The following LONP2 variants were observed in gnomAD, a reference collection of about 807,000 sequenced individuals.
The protein encoded by LONP2 is lon peptidase 2, peroxisomal.
Under a neutral mutation model 85.6 loss-of-function variants are expected in LONP2, and 60 were observed. The observed-to-expected ratio is 0.70, with a 90% CI of 0.57 to 0.87. LONP2 has a LOEUF of 0.87. LONP2 is among the 40% of genes least tolerant of loss of function. LONP2 has a pLI of 0.00. For missense variants in LONP2, 860 were observed against 1,063.5 expected, an observed-to-expected ratio of 0.81 and a Z score of 2.66; for synonymous variants, 395 against 389.7, an observed-to-expected ratio of 1.01 and a Z score of -0.16.
chr16:48,316,818 C>T (rs1385514931), intron 11 of LONP2, among the ~76,000 whole-genome samples: 2 of 151,688 alleles, frequency 1.3e-5, no homozygotes, highest in Admixed American at 1.3e-4. Context: ...CCTTTTTTTC[C>T]CCCTTGATTT....
chr16:48,254,587 A>C (rs1971720213), intron 2 of LONP2, among the ~76,000 whole-genome samples: 1 of 151,674 alleles, frequency 6.6e-6, no homozygotes, highest in Non-Finnish European at 1.5e-5. Flanking sequence ...CTGGTCTCGA[A>C]CTCCTGACCT....
intron 11 of LONP2, among the ~76,000 whole-genome samples, chr16:48,312,386 T>C (rs1331366206): frequency 6.6e-6 from 1 of 152,200 alleles, no homozygotes; most frequent in South Asian, 2.1e-4. Flanking sequence ...TTTCCAATAT[T>C]ACTGTGCTGA....
Position 48,353,099 on chromosome 16 carries a change from T to C in LONP2, c.*1297T>C, listed in dbSNP as rs559723814. 1 of 152,358 alleles carries C rather than the reference T, an allele frequency of 6.6e-6. No individual in the cohort carries two copies. Among genetic ancestry groups the C allele is most frequent in the East Asian group, 1.9e-4 (1 of 5,186 alleles). 9.4% of individuals were successfully genotyped at this position (152,358 alleles called of 1,614,324 possible). A position where few individuals can be genotyped will look rare whatever the true frequency, so the allele number is the denominator to read the frequency against. Reference sequence around the variant, plus strand: ...GGAGATTAAGTTCAAATGCAATGTATAGTAATATTAAGCAATTTCTAGTTA... The same window carrying C: ...GGAGATTAAGTTCAAATGCAATGTACAGTAATATTAAGCAATTTCTAGTTA... On this transcript the variant is annotated 3_prime_UTR_variant, in exon 15 of 15. Transcript: ENST00000285737.
rs189430297 is a variant in LONP2 at position 48,261,575 on chromosome 16, A to G, written c.875A>G (p.Lys292Arg). Reference protein sequence around the residue: ...MPEQAHKVCVKEIKRLKKMPQ... With the variant: ...MPEQAHKVCVREIKRLKKMPQ... ...GAGCAGGCCCATAAAGTCTGTGTCA[A>G]AGAGATAAAGAGGTAAATTATAAAA... Residue 292 changes from lysine to arginine, a missense_variant, in exon 5 of 15, where the codon AAA (lysine) becomes AGA (arginine). Physicochemically the swap from Lys to Arg is conservative, Grantham distance 26 (BLOSUM62 2). Transcript: ENST00000285737. 3.5e-5 allele frequency: 55 copies of G among 1,574,846 alleles called. No homozygotes were observed. The highest frequency in any genetic ancestry group is 1.9e-5 in the Admixed American group (1 of 53,140).
chr16:48,308,155 G>C (rs965442800), intron 11 of LONP2, among the ~76,000 whole-genome samples: 7 of 152,066 alleles, frequency 4.6e-5, no homozygotes, highest in African/African-American at 1.7e-4. Flanking sequence ...TAGATCAATG[G>C]AACAGAATGC....
chr16:48,315,678 AC>A (rs1973125390), intron 11 of LONP2, among the ~76,000 whole-genome samples: 1 of 152,274 alleles, frequency 6.6e-6, no homozygotes, highest in East Asian at 1.9e-4. Context: ...AAACCATAGC[AC>A]TGACTTTCTT....
At chr16:48,286,690 T>G (rs901007402) in intron 8 of LONP2, among the ~76,000 whole-genome samples, 4 of 151,916 alleles carry the variant, frequency 2.6e-5, no homozygotes, top group African/African-American at 9.7e-5. Context: ...AGAGACAGGG[T>G]TTCGCCATGT....
chr16:48,301,269 C>T (rs1046724005), intron 10 of LONP2, among the ~76,000 whole-genome samples: 1 of 152,180 alleles, frequency 6.6e-6, no homozygotes, highest in African/African-American at 2.4e-5. Context: ...CTTCCAGTCC[C>T]AGTATGCTTA....
chr16:48,362,552 G>A lies in LONP2; in HGVS notation c.*689G>A, dbSNP rs1960635708. The A allele has an allele frequency of 3.2e-6, 3 of 944,498 alleles. No homozygotes were observed. The East Asian group carries it at 7.9e-5, about 25-fold the overall frequency. The allele number at this position is 944,498 out of a possible 1,614,324, so 58.5% of individuals were successfully genotyped here. ...ATACAAAATTTACTGAGCAAAAGAG[G>A]AAGAAAAATAGGATTAAAAAAGATA... On this transcript the variant is annotated 3_prime_UTR_variant, in exon 5 of 5. Transcript: ENST00000565867. This position sits in a 1 kb window ranked among gnomAD's most constrained non-coding sequence, Gnocchi z 4.2.
At position 48,348,539 on chromosome 16, in the gene LONP2, G is replaced by A. The variant is rs139822066; in HGVS notation, c.2337+249G>A. Among the ~76,000 whole-genome samples the A allele has an allele frequency of 3.2e-3, 460 of 142,018 alleles. 1 individual carries two copies. The highest frequency in any genetic ancestry group is 5.7e-3 in the Admixed American group (75 of 13,254). The allele number at this position is 142,018 out of a possible 152,430, so 93.2% of individuals were successfully genotyped here. On this transcript the variant is annotated intron_variant, in intron 14 of 14. Transcript: ENST00000285737. The stretch of plus-strand genomic sequence containing the variant: ...TAGACAGGTCTCACTCTGTTGCCCA[G>A]GCTGGAGTGCAGTGGTGTGACTGTA...
intron 6 of LONP2, among the ~76,000 whole-genome samples, chr16:48,268,783 A>C (rs533394872): frequency 2.0e-5 from 3 of 152,158 alleles, no homozygotes; most frequent in Non-Finnish European, 2.9e-5. Context: ...CAATAGTACT[A>C]TAATTAAATT....
chr16:48,306,997 G>A (rs1972924406), intron 11 of LONP2, among the ~76,000 whole-genome samples: 1 of 152,108 alleles, frequency 6.6e-6, no homozygotes, highest in South Asian at 2.1e-4. Context: ...GTAATTTTAG[G>A]CCACAAGCTT....
rs1434510284 is a variant in LONP2 at position 48,256,490 on chromosome 16, C to T, written c.469-120C>T. The T allele has an allele frequency of 2.7e-5, 26 of 958,228 alleles. No individual in the cohort carries two copies. The East Asian group carries it at 6.4e-4, about 24-fold the overall frequency. 59.4% of individuals were successfully genotyped at this position (958,228 alleles called of 1,614,324 possible). A position where few individuals can be genotyped will look rare whatever the true frequency, so the allele number is the denominator to read the frequency against. The stretch of plus-strand genomic sequence containing the variant: ...TGTAAAATACGTGGACTATATTAAT[C>T]AGTGATCTTTCAAAAACAAAGACTG... On this transcript the variant is annotated intron_variant, in intron 2 of 14. Coordinates refer to ENST00000285737, the MANE Select transcript of LONP2 (RefSeq NM_031490.5).
At chr16:48,263,059 C>T (rs1471145652) in intron 6 of LONP2, among the ~76,000 whole-genome samples, 187 bp downstream of exon 6, 1 of 152,168 alleles carries the variant, frequency 6.6e-6, no homozygotes, top group Non-Finnish European at 1.5e-5. Context: ...ATGAATACAT[C>T]TCAGTGAGTT....
chr16:48,358,893 T>G (rs1342547963), downstream of LONP2, among the ~76,000 whole-genome samples: 2 of 152,218 alleles, frequency 1.3e-5, no homozygotes, highest in Non-Finnish European at 2.9e-5. Context: ...CTCAATTGTA[T>G]GTGCAGTTTT....
At chr16:48,290,112 T>G (rs1211958095) in intron 8 of LONP2, among the ~76,000 whole-genome samples, 1 of 152,206 alleles carries the variant, frequency 6.6e-6, no homozygotes, top group Non-Finnish European at 1.5e-5. Flanking sequence ...TACTGAGACC[T>G]CTTCTTTAGT....
At position 48,244,559 on chromosome 16, in the gene LONP2, G is replaced by A; in HGVS notation, c.171G>A (p.Leu57=). ...GCACGTCGCTGCAAAGCACCATCCT[G>A]GGCGTCATCCCCAACACGCCTGACC... ...LKGTSLQSTI[L]GVIPNTPDPA... Residue 57 remains leucine (L), a synonymous_variant, in exon 1 of 15, where the codon CTG becomes CTA. Transcript: ENST00000285737. 2 of 1,536,790 alleles carry A rather than the reference G, an allele frequency of 1.3e-6. No homozygotes were observed. The highest frequency in any genetic ancestry group is 8.7e-7 in the Non-Finnish European group (1 of 1,144,760).
Position 48,244,470 on chromosome 16 carries a change from A to T in LONP2, c.82A>T (p.Thr28Ser), listed in dbSNP as rs1971221146. 1 of 1,597,904 alleles carries T rather than the reference A, an allele frequency of 6.3e-7. No individual in the cohort carries two copies. Among genetic ancestry groups the T allele is most frequent in the South Asian group, 1.1e-5 (1 of 89,424 alleles). Reference protein sequence around the residue: ...THEGVLLPGSTMRTSVDSARN... With the variant: ...THEGVLLPGSSMRTSVDSARN... ...CGAGGGCGTCCTGCTGCCCGGCTCC[A>T]CCATGCGCACCAGCGTGGACTCGGC... is the stretch of plus-strand genomic sequence containing the variant. Residue 28 changes from threonine to serine, a missense_variant, in exon 1 of 15, where the codon ACC becomes TCC. Thr to Ser is a moderately conservative substitution (Grantham distance 58). Transcript: ENST00000285737.
At chr16:48,250,199 CAAAA>C (rs1213156495) in intron 1 of LONP2, among the ~76,000 whole-genome samples, 2 of 151,088 alleles carry the variant, frequency 1.3e-5, no homozygotes, top group African/African-American at 4.9e-5. Context: ...AAAAAACAAA[CAAAA>C]AAACCACAGT....
Sources: gnomAD v4.1 joint callset for allele counts (sites outside exome capture counted in the v4.1 genomes callset) on GRCh38, gnomAD v4.1.1 for gene constraint, Gnocchi (gnomAD v3.1) non-coding constraint, MANE v1.5 for transcripts, NCBI Gene and HGNC (gene_info 2026-07-23, HGNC 2026-07-21) for gene names.